DYNC1H1: variants seen among roughly 807,000 people sequenced by gnomAD.
DYNC1H1 encodes the protein cytoplasmic dynein 1 heavy chain 1.
A neutral mutation model predicts 527.1 loss-of-function variants in DYNC1H1; 51 were observed. The observed-to-expected ratio is 0.10, with a 90% CI of 0.08 to 0.12. The LOEUF (loss-of-function observed/expected upper bound fraction) is 0.12. Among genes scored for constraint, DYNC1H1 ranks in the 10% least tolerant of loss-of-function variants. DYNC1H1 has a pLI of 1.00. For missense variants in DYNC1H1, 2,771 were observed against 5,971.8 expected, an observed-to-expected ratio of 0.46 and a Z score of 17.66; for synonymous variants, 2,189 against 2,278.8, an observed-to-expected ratio of 0.96 and a Z score of 1.12.
chr14:102,022,006 T>C (rs985796747), intron 42 of DYNC1H1, among the ~76,000 whole-genome samples: 2 of 151,896 alleles, frequency 1.3e-5, no homozygotes, highest in African/African-American at 4.8e-5. Flanking sequence ...CATGGTAGCA[T>C]ATGCCTGTAA....
Position 102,004,425 on chromosome 14 carries a change from G to C in DYNC1H1, c.4884-93G>C, listed in dbSNP as rs2749896. ...TGGAGATTGCCACCACCAGACACAT[G>C]TTCTTTCCCTTCCTGCAGTTTGAAA... is the stretch of plus-strand genomic sequence containing the variant. On this transcript the variant is annotated intron_variant, in intron 23 of 77. Coordinates refer to ENST00000360184, the MANE Select transcript of DYNC1H1 (RefSeq NM_001376.5). The C allele has an allele frequency of 0.14, 198,368 of 1,423,430 alleles. 17,625 individuals carry two copies. Among genetic ancestry groups the C allele is most frequent in the African/African-American group, 0.39 (27,074 of 69,900 alleles). The allele number at this position is 1,423,430 out of a possible 1,614,324, so 88.2% of individuals were successfully genotyped here.
At chr14:101,967,169 CT>C (rs1254895659) in intron 1 of DYNC1H1, among the ~76,000 whole-genome samples, 2 of 151,984 alleles carry the variant, frequency 1.3e-5, no homozygotes, top group Non-Finnish European at 2.9e-5. Flanking sequence ...ACTAGGACAC[CT>C]TAGATATAAG....
rs1567012740 is a variant in DYNC1H1, at chr14:102,016,833, A to G, written c.7682A>G (p.Lys2561Arg). ...CCTCAGATTGAAGTGGAGACGCACAAGGTGGCAGCCCCTGATGTCGTCGTG... is the reference window on the plus strand; with the variant it reads ...CCTCAGATTGAAGTGGAGACGCACAGGGTGGCAGCCCCTGATGTCGTCGTG... ...KVPQIEVETHKVAAPDVVVPT... is the reference protein window; with the variant it reads ...KVPQIEVETHRVAAPDVVVPT... Residue 2561 changes from lysine (K) to arginine (R), a missense_variant, in exon 38 of 78, where the codon AAG (lysine) becomes AGG (arginine). Lys to Arg is a conservative substitution (Grantham distance 26, BLOSUM62 2). Coordinates refer to ENST00000360184, the MANE Select transcript of DYNC1H1 (RefSeq NM_001376.5). This position sits in a 1 kb window ranked among gnomAD's most constrained non-coding sequence, Gnocchi z 7.3. The G allele has an allele frequency of 1.2e-6, 2 of 1,614,108 alleles. No homozygotes were observed. Among genetic ancestry groups the G allele is most frequent in the Non-Finnish European group, 8.5e-7 (1 of 1,180,024 alleles).
chr14:102,015,400 G>A lies in DYNC1H1; in HGVS notation c.7242+68G>A, dbSNP rs1595616898. The A allele has an allele frequency of 4.7e-6, 7 of 1,504,624 alleles. No homozygotes were observed. In the Admixed American group the frequency reaches 1.2e-4, roughly 26 times the overall value. The allele number at this position is 1,504,624 out of a possible 1,614,324, so 93.2% of individuals were successfully genotyped here. On this transcript the variant is annotated intron_variant, in intron 35 of 77. Transcript: ENST00000360184. The surrounding 1 kb of genome is among the most constrained non-coding windows in gnomAD (Gnocchi z 6.9). Reference sequence around the variant, plus strand: ...TAGGATATTCAGATGTGGTCTCGCTGTGTTGCCCACGCTGGTCTTGAACTC... The same window carrying A: ...TAGGATATTCAGATGTGGTCTCGCTATGTTGCCCACGCTGGTCTTGAACTC...
intron 5 of DYNC1H1, among the ~76,000 whole-genome samples, chr14:101,980,845 C>G (rs17511984): frequency 6.6e-6 from 1 of 152,206 alleles, no homozygotes; most frequent in African/African-American, 2.4e-5. Flanking sequence ...GTCATCTCCA[C>G]GAGTCGGCTG....
At position 102,017,798 on chromosome 14, in the gene DYNC1H1, C is replaced by G; in HGVS notation, c.8177+294C>G. 1 of 433,574 alleles carries G rather than the reference C, an allele frequency of 2.3e-6. No individual in the cohort carries two copies. The highest frequency in any genetic ancestry group is 5.3e-5 in the East Asian group (1 of 18,870). 26.9% of individuals were successfully genotyped at this position (433,574 alleles called of 1,614,324 possible). A position where few individuals can be genotyped will look rare whatever the true frequency, so the allele number is the denominator to read the frequency against. ...TGGCCAACACAGTGAAACCTCGTCT[C>G]TACTGAAAATACAAAAACAAAATTA... On this transcript the variant is annotated intron_variant, in intron 40 of 77. Coordinates refer to ENST00000360184, the MANE Select transcript of DYNC1H1 (RefSeq NM_001376.5). The surrounding 1 kb of genome is among the most constrained non-coding windows in gnomAD (Gnocchi z 4.6).
intron 1 of DYNC1H1, among the ~76,000 whole-genome samples, chr14:101,966,181 T>C (rs552106626): frequency 2.0e-5 from 3 of 152,246 alleles, no homozygotes; most frequent in Non-Finnish European, 4.4e-5. Context: ...ACACTGTGTT[T>C]CTGATGGTTT....
chr14:101,982,164 C>T (rs1306102762), intron 5 of DYNC1H1, among the ~76,000 whole-genome samples: 1 of 152,178 alleles, frequency 6.6e-6, no homozygotes, highest in African/African-American at 2.4e-5. Flanking sequence ...AGATTGTGCA[C>T]TCCTTATGAG....
chr14:101,988,442 TG>T (rs2047960060), intron 9 of DYNC1H1, among the ~76,000 whole-genome samples: 1 of 152,068 alleles, frequency 6.6e-6, no homozygotes, highest in Non-Finnish European at 1.5e-5. Flanking sequence ...TGGAGAGTGT[TG>T]GGGAGGAGGA....
At chr14:101,972,960 G>T (rs1036164771) in intron 1 of DYNC1H1, among the ~76,000 whole-genome samples, 1 of 152,064 alleles carries the variant, frequency 6.6e-6, no homozygotes, top group Admixed American at 6.5e-5. Flanking sequence ...ACATTTTACA[G>T]GTTGTAATCG....
At position 102,041,594 on chromosome 14, in the gene DYNC1H1, C is replaced by T. The variant is rs1460055545; in HGVS notation, c.11962C>T (p.His3988Tyr). ...TPATPIGQAI[H>Y]RLLLIQAFRP... Reference sequence around the variant, plus strand: ...TTCAGCACCCATTGGCCAGGCCATCCACCGCCTGCTCCTGATCCAGGCTTT... The same window carrying T: ...TTCAGCACCCATTGGCCAGGCCATCTACCGCCTGCTCCTGATCCAGGCTTT... The change falls in exon 65 of 78, where the codon CAC becomes TAC. Residue 3988 changes from histidine (H) to tyrosine (Y), a missense_variant. Coordinates refer to ENST00000360184, the MANE Select transcript of DYNC1H1 (RefSeq NM_001376.5). The surrounding 1 kb of genome is among the most constrained non-coding windows in gnomAD (Gnocchi z 4.5). The T allele has an allele frequency of 6.2e-7, 1 of 1,614,140 alleles. No homozygotes were observed. Among genetic ancestry groups the T allele is most frequent in the African/African-American group, 1.3e-5 (1 of 75,076 alleles).
chr14:101,994,588 C>G, intron 12 of DYNC1H1, 85 bp from the exon 13 acceptor site: 1 of 1,547,752 alleles, frequency 6.5e-7, no homozygotes, highest in Non-Finnish European at 8.9e-7. Context: ...CATGAACCTT[C>G]TTAATGGAAT....
intron 12 of DYNC1H1, 94 bp from the exon 13 acceptor site, chr14:101,994,579 A>C (rs775605585): frequency 2.2e-5 from 33 of 1,520,554 alleles, no homozygotes; most frequent in Non-Finnish European, 3.0e-5. Context: ...GGTGAAAGAC[A>C]TGAACCTTCT....
chr14:102,022,717 A>G lies in DYNC1H1; in HGVS notation c.8508-34A>G, dbSNP rs768107729. 7.0e-5 allele frequency: 113 copies of G among 1,613,688 alleles called. 1 individual carries two copies. The Admixed American group carries it at 1.9e-3, about 26-fold the overall frequency. ...ATGGTGCTTCTTCACCGTGCCCTCTAGTTACCTAAATGCACATGCTGCTCT... is the reference window on the plus strand; with the variant it reads ...ATGGTGCTTCTTCACCGTGCCCTCTGGTTACCTAAATGCACATGCTGCTCT... On this transcript the variant is annotated intron_variant, in intron 42 of 77. Coordinates refer to ENST00000360184, the MANE Select transcript of DYNC1H1 (RefSeq NM_001376.5).
chr14:102,022,747 A>G lies in DYNC1H1; in HGVS notation c.8508-4A>G. ...CCTAAATGCACATGCTGCTCTCCCCACAGACTCGTAGAGGATGAGGAGAGG... is the reference window on the plus strand; with the variant it reads ...CCTAAATGCACATGCTGCTCTCCCCGCAGACTCGTAGAGGATGAGGAGAGG... On this transcript the variant is annotated splice_region_variant and splice_polypyrimidine_tract_variant and intron_variant, in intron 42 of 77. Coordinates refer to ENST00000360184, the MANE Select transcript of DYNC1H1 (RefSeq NM_001376.5). 1.2e-6 allele frequency: 2 copies of G among 1,614,044 alleles called. No homozygotes were observed. Among genetic ancestry groups the G allele is most frequent in the East Asian group, 2.2e-5 (1 of 44,874 alleles).
rs1555410937 is a variant in DYNC1H1 at position 102,027,678 on chromosome 14, G to A, written c.9108G>A (p.Gly3036=). Residue 3036 remains glycine (G), a synonymous_variant, in exon 47 of 78, where the codon GGG becomes GGA. Transcript: ENST00000360184. The surrounding 1 kb of genome is among the most constrained non-coding windows in gnomAD (Gnocchi z 7.7). The stretch of plus-strand genomic sequence containing the variant: ...CCTTGATGACGCAGTGCAAAGAGGG[G>A]GCACAGAAGGAAGGCCTGATGCTGG... ...YATLMTQCKE[G]AQKEGLMLDS... 8 of 1,614,132 alleles carry A rather than the reference G, an allele frequency of 5.0e-6. No individual in the cohort carries two copies. Among genetic ancestry groups the A allele is most frequent in the Non-Finnish European group, 6.8e-6 (8 of 1,180,030 alleles).
chr14:101,998,879 C>CTT lies in DYNC1H1; in HGVS notation c.3805-1091_3805-1090dup, dbSNP rs888317854. Among the ~76,000 whole-genome samples the CTT allele has an allele frequency of 7.8e-3, 893 of 115,158 alleles. 55 individuals carry two copies. The highest frequency in any genetic ancestry group is 0.029 in the African/African-American group (778 of 26,508). The allele number at this position is 115,158 out of a possible 152,430, so 75.5% of individuals were successfully genotyped here. A position where few individuals can be genotyped will look rare whatever the true frequency, so the allele number is the denominator to read the frequency against. On this transcript the variant is annotated intron_variant, in intron 16 of 77. Transcript: ENST00000360184. The stretch of plus-strand genomic sequence containing the variant: ...TAATGTGTTAGAGTTAAAACTTTTT[C>CTT]TTTTTTTTTTTTTTTTTTTTGAGAC...
In DYNC1H1 at chr14:102,036,047, T is replaced by G. The variant is rs921555055; in HGVS notation, c.10755-442T>G. 9.0e-6 allele frequency: 2 copies of G among 222,554 alleles called. No individual in the cohort carries two copies. Among genetic ancestry groups the G allele is most frequent in the Non-Finnish European group, 1.8e-5 (2 of 109,552 alleles). The allele number at this position is 222,554 out of a possible 1,614,324, so 13.8% of individuals were successfully genotyped here. A position where few individuals can be genotyped will look rare whatever the true frequency, so the allele number is the denominator to read the frequency against. ...CAGTGTCAGCCTCATAGGGCTGTTA[T>G]GAGGATTACGTGACGTAGTGTCTGT... On this transcript the variant is annotated intron_variant, in intron 56 of 77. Transcript: ENST00000360184. This position sits in a 1 kb window ranked among gnomAD's most constrained non-coding sequence, Gnocchi z 5.6.
Position 102,047,881 on chromosome 14 carries a change from C to T in DYNC1H1, c.13071C>T (p.Tyr4357=), listed in dbSNP as rs763227557. 4.8e-5 allele frequency: 78 copies of T among 1,613,498 alleles called. 1 individual carries two copies. The highest frequency in any genetic ancestry group is 4.1e-4 in the South Asian group (37 of 91,078). The change falls in exon 73 of 78, where the codon TAC becomes TAT. Residue 4357 remains tyrosine, a synonymous_variant. Coordinates refer to ENST00000360184, the MANE Select transcript of DYNC1H1 (RefSeq NM_001376.5). ...TGGAGGATGAGGACGACCTGGCCTA[C>T]GCAGAGACTGAGAAGAAGACGAGGA... ...QMLEDEDDLA[Y]AETEKKTRTD... is the part of the protein sequence containing the mutation.
Sources: gnomAD v4.1 joint callset for allele counts (sites outside exome capture counted in the v4.1 genomes callset) on GRCh38, gnomAD v4.1.1 for gene constraint, Gnocchi (gnomAD v3.1) non-coding constraint, MANE v1.5 for transcripts, NCBI Gene and HGNC (gene_info 2026-07-23, HGNC 2026-07-21) for gene names.